NXPH1: variants seen among roughly 807,000 people sequenced by gnomAD.
The protein encoded by NXPH1 is neurexophilin-1.
A neutral mutation model predicts 23.7 loss-of-function variants in NXPH1; 5 were observed. That is an observed-to-expected ratio of 0.21 (90% CI 0.11 to 0.44). The LOEUF (loss-of-function observed/expected upper bound fraction) is 0.44, where lower values mean the gene tolerates loss of function less well. NXPH1 is among the 20% of genes least tolerant of loss of function. The pLI, the probability that NXPH1 is intolerant of heterozygous loss-of-function variation, is 0.99. For synonymous variants in NXPH1, 144 were observed against 122.2 expected (o/e 1.18, Z -1.18); for missense variants, 324 against 321.6 (o/e 1.01, Z -0.06).
At chr7:8,605,469 G>T (rs1439237209) in intron 2 of NXPH1, among the ~76,000 whole-genome samples, 1 of 152,084 alleles carries the variant, frequency 6.6e-6, no homozygotes, top group Non-Finnish European at 1.5e-5. Flanking sequence ...ACATATTCTA[G>T]GTACATTTAT....
intron 2 of NXPH1, among the ~76,000 whole-genome samples, chr7:8,677,323 A>T (rs1583226293): frequency 6.6e-6 from 1 of 152,232 alleles, no homozygotes; most frequent in African/African-American, 2.4e-5. Context: ...TTAATGTTTT[A>T]GTTGGGTTCC....
rs547109515 is a variant in NXPH1 at position 8,710,824 on chromosome 7, G to A, written c.55-40184G>A. 2.8e-4 allele frequency among the ~76,000 whole-genome samples: 38 copies of A among 136,918 alleles called. 3 individuals carry two copies. Among genetic ancestry groups the A allele is most frequent in the Non-Finnish European group, 1.2e-4 (8 of 66,200 alleles). The allele number at this position is 136,918 out of a possible 152,430, so 89.8% of individuals were successfully genotyped here. ...ACTACAGGCGCCCGCCACCGCGCCC[G>A]GCTAATTTTTTGTATTTTTAGTAGA... On this transcript the variant is annotated intron_variant, in intron 2 of 2. Transcript: ENST00000405863.
At chr7:8,454,588 A>G (rs950170419) in intron 2 of NXPH1, among the ~76,000 whole-genome samples, 4 of 152,152 alleles carry the variant, frequency 2.6e-5, no homozygotes, top group Non-Finnish European at 5.9e-5. Flanking sequence ...TGCATTGGCC[A>G]TTAGCCACTC....
chr7:8,712,484 T>G (rs556290773), intron 2 of NXPH1, among the ~76,000 whole-genome samples: 1 of 152,334 alleles, frequency 6.6e-6, no homozygotes, highest in Non-Finnish European at 1.5e-5. Flanking sequence ...ATGAAAATTC[T>G]TCCCTCTGTG....
chr7:8,521,848 G>C, intron 2 of NXPH1, among the ~76,000 whole-genome samples: 1 of 152,128 alleles, frequency 6.6e-6, no homozygotes, highest in Non-Finnish European at 1.5e-5. Context: ...AAGATAACCA[G>C]TGTGGGTGGA....
At chr7:8,665,864 C>T (rs992075321) in intron 2 of NXPH1, among the ~76,000 whole-genome samples, 1 of 142,718 alleles carries the variant, frequency 7.0e-6, no homozygotes, top group Admixed American at 7.0e-5. Context: ...GATTTTGTAT[C>T]CTGCAACTTT....
intron 2 of NXPH1, among the ~76,000 whole-genome samples, chr7:8,587,569 G>C (rs1420008130): frequency 6.6e-6 from 1 of 152,070 alleles, no homozygotes; most frequent in African/African-American, 2.4e-5. Context: ...ACGTGTCATG[G>C]TGGTTTGTTG....
At chr7:8,702,266 A>T (rs937334774) in intron 2 of NXPH1, among the ~76,000 whole-genome samples, 5 of 152,152 alleles carry the variant, frequency 3.3e-5, no homozygotes, top group African/African-American at 1.2e-4. Flanking sequence ...TCCTAGCTGG[A>T]TCATTACATA....
intron 2 of NXPH1, among the ~76,000 whole-genome samples, chr7:8,576,395 G>C (rs925173319): frequency 6.6e-6 from 1 of 152,176 alleles, no homozygotes; most frequent in Non-Finnish European, 1.5e-5. Flanking sequence ...GCGATAAGTG[G>C]TATTAAGGAC....
intron 2 of NXPH1, among the ~76,000 whole-genome samples, chr7:8,550,333 T>C (rs914099945): frequency 4.0e-5 from 6 of 151,602 alleles, no homozygotes; most frequent in African/African-American, 1.4e-4. Flanking sequence ...CTTATGGTAA[T>C]AACTTCACCA....
Position 8,750,887 on chromosome 7 carries a change from G to A in NXPH1, c.55-121G>A, listed in dbSNP as rs568196208. On this transcript the variant is annotated intron_variant, in intron 2 of 2. Coordinates refer to ENST00000405863, the MANE Select transcript of NXPH1 (RefSeq NM_152745.3). ...TGCTTTGGGTGTTCTTCTCAGATGC[G>A]GTGCTTTTAAAAAAAAGTGTAATTA... The A allele has an allele frequency of 1.2e-4, 110 of 924,584 alleles. No individual in the cohort carries two copies. The Middle Eastern group carries it at 2.1e-3, about 18-fold the overall frequency. The allele number at this position is 924,584 out of a possible 1,614,324, so 57.3% of individuals were successfully genotyped here.
intron 2 of NXPH1, among the ~76,000 whole-genome samples, chr7:8,616,946 T>C (rs570186217): frequency 6.6e-6 from 1 of 152,122 alleles, no homozygotes; most frequent in African/African-American, 2.4e-5. Flanking sequence ...GAGTTCGTTA[T>C]AGTAGTTGTG....
At chr7:8,445,338 A>G (rs1252515082) in intron 2 of NXPH1, among the ~76,000 whole-genome samples, 1 of 152,234 alleles carries the variant, frequency 6.6e-6, no homozygotes, top group Non-Finnish European at 1.5e-5. Context: ...ACAAAAGGCC[A>G]GGCTTACCAC....
intron 2 of NXPH1, among the ~76,000 whole-genome samples, chr7:8,644,020 T>C (rs6463829): frequency 0.022 from 3,413 of 152,292 alleles, 140 homozygotes; most frequent in African/African-American, 0.078. Context: ...CTGAAAATCT[T>C]TGCTCTTGGA....
At chr7:8,634,778 T>G (rs1005413687) in intron 2 of NXPH1, among the ~76,000 whole-genome samples, 18 of 151,546 alleles carry the variant, frequency 1.2e-4, no homozygotes, top group African/African-American at 3.2e-4. Flanking sequence ...ATCTATCTTC[T>G]TACTTAATAG....
At chr7:8,627,911 A>G (rs962863226) in intron 2 of NXPH1, among the ~76,000 whole-genome samples, 6 of 152,106 alleles carry the variant, frequency 3.9e-5, no homozygotes, top group African/African-American at 1.4e-4. Context: ...AAAAAGAAGC[A>G]CTTTGAGATC....
chr7:8,634,235 C>G (rs1416436155), intron 2 of NXPH1, among the ~76,000 whole-genome samples: 1 of 152,018 alleles, frequency 6.6e-6, no homozygotes, highest in African/African-American at 2.4e-5. Context: ...ATGCTGTTCT[C>G]ATGATAGTGA....
Position 8,751,040 on chromosome 7 carries a change from G to T in NXPH1, c.87G>T (p.Lys29Asn). ...GTGCCAATTTAACGAACGGTGGAAA[G>T]TCAGAACTTCTGAAATCAGGAAGCA... ...VTCANLTNGGKSELLKSGSSK... is the reference protein window; with the variant it reads ...VTCANLTNGGNSELLKSGSSK... The change falls in exon 3 of 3, where the codon AAG becomes AAT. Residue 29 changes from lysine to asparagine, a missense_variant. Coordinates refer to ENST00000405863, the MANE Select transcript of NXPH1 (RefSeq NM_152745.3). This position sits in a 1 kb window ranked among gnomAD's most constrained non-coding sequence, Gnocchi z 4.5. 4 of 1,613,812 alleles carry T rather than the reference G, an allele frequency of 2.5e-6. No homozygotes were observed. The highest frequency in any genetic ancestry group is 1.1e-5 in the South Asian group (1 of 91,082).
At chr7:8,748,834 A>C (rs1222375362) in intron 2 of NXPH1, among the ~76,000 whole-genome samples, 2 of 152,190 alleles carry the variant, frequency 1.3e-5, no homozygotes, top group African/African-American at 4.8e-5. Context: ...ACAAACTTGC[A>C]GGGTTTTTAA....
Sources: allele counts gnomAD v4.1 joint callset (sites outside exome capture counted in the v4.1 genomes callset), GRCh38; gene constraint gnomAD v4.1.1; non-coding constraint Gnocchi (gnomAD v3.1); transcripts MANE v1.5; gene names NCBI Gene and HGNC (gene_info 2026-07-23, HGNC 2026-07-21).